Variants in NOL8 observed in about 807,000 individuals in gnomAD.
NOL8 encodes the protein nucleolar protein 8.
NOL8 carries 93 observed loss-of-function variants against 116.1 expected under a neutral mutation model. The observed-to-expected ratio is 0.80, with a 90% CI of 0.68 to 0.95. The LOEUF is 0.95. NOL8 is among the 40% of genes least tolerant of loss of function. NOL8 has a pLI of 0.00. For synonymous variants in NOL8, 419 were observed against 469.0 expected (o/e 0.89, Z 1.38); for missense variants, 1,291 against 1,382.8 (o/e 0.93, Z 1.05).
chr9:92,298,396 C>T (rs1837433442), intron 15 of NOL8, 60 bp from the exon 16 acceptor site: 1 of 1,073,562 alleles, frequency 9.3e-7, no homozygotes, highest in Non-Finnish European at 1.4e-6. Context: ...TGGTAATATT[C>T]TAAGTGTTGG....
intron 14 of NOL8, among the ~76,000 whole-genome samples, chr9:92,299,175 T>C (rs145455569): frequency 1.1e-3 from 171 of 152,324 alleles, no homozygotes; most frequent in African/African-American, 4.0e-3. Flanking sequence ...TCTAACATTC[T>C]TCTATCTGAA....
At position 92,298,162 on chromosome 9, in the gene NOL8, T is replaced by C; in HGVS notation, c.3453+95A>G. ...TCAATTGAGCCAGTCTGCAGTCTCC[T>C]CACCTATACCATTCATGAGTTCCCT... On this transcript the variant is annotated intron_variant, in intron 16 of 16. Coordinates refer to ENST00000442668, the MANE Select transcript of NOL8 (RefSeq NM_017948.6). The C allele has an allele frequency of 4.3e-6, 4 of 925,398 alleles. No homozygotes were observed. In the South Asian group the frequency reaches 6.6e-5, roughly 15 times the overall value. 57.3% of individuals were successfully genotyped at this position (925,398 alleles called of 1,614,324 possible). A position where few individuals can be genotyped will look rare whatever the true frequency, so the allele number is the denominator to read the frequency against.
chr9:92,309,334 A>G (rs1838552511), intron 10 of NOL8, among the ~76,000 whole-genome samples: 1 of 152,212 alleles, frequency 6.6e-6, no homozygotes, highest in Non-Finnish European at 1.5e-5. Flanking sequence ...AAACTTGAAA[A>G]CTGGCATGGT....
chr9:92,319,964 G>A (rs1839786035), intron 4 of NOL8: 3 of 425,622 alleles, frequency 7.0e-6, no homozygotes, highest in South Asian at 5.3e-5. Flanking sequence ...TCCAGTGGAT[G>A]TCCCAGTTCC....
chr9:92,301,728 T>C lies in NOL8; in HGVS notation c.2998A>G (p.Ile1000Val), dbSNP rs375401991. 5.2e-5 allele frequency: 84 copies of C among 1,608,272 alleles called. No homozygotes were observed. The highest frequency in any genetic ancestry group is 1.2e-4 in the African/African-American group (9 of 74,558). Residue 1000 changes from isoleucine (I) to valine (V), a missense_variant, in exon 13 of 17, where the codon ATA becomes GTA. Transcript: ENST00000442668. Reference sequence around the variant, plus strand: ...CTGGTATATTTTGTAGTTTGGAATATTTCTTTCAGATCCATAGCAATATTA... The same window carrying C: ...CTGGTATATTTTGTAGTTTGGAATACTTCTTTCAGATCCATAGCAATATTA... ...YYNIAMDLKE[I>V]FQTTKYTSEK...
chr9:92,315,801 G>C lies in NOL8; in HGVS notation c.824C>G (p.Thr275Ser). 6.2e-7 allele frequency: 1 copy of C among 1,613,724 alleles called. No individual in the cohort carries two copies. Among genetic ancestry groups the C allele is most frequent in the Non-Finnish European group, 8.5e-7 (1 of 1,179,738 alleles). ...AAAAGGTAGATTTTTAAGTTTCTGA[G>C]TATCAGAAACAGGTACAGGAGATGA... ...SKSSPVPVSD[T>S]QKLKNLPFKT... The change falls in exon 7 of 17, where the codon ACT becomes AGT. Residue 275 changes from threonine (T) to serine (S), a missense_variant. Thr to Ser is a moderately conservative substitution (Grantham distance 58, BLOSUM62 1). Coordinates refer to ENST00000442668, the MANE Select transcript of NOL8 (RefSeq NM_017948.6).
intron 13 of NOL8, chr9:92,300,499 C>G (rs1292902221): frequency 1.0e-6 from 1 of 990,020 alleles, no homozygotes; most frequent in Non-Finnish European, 1.2e-6. Flanking sequence ...TCAGGACAAT[C>G]ACCTCACAAG....
chr9:92,300,170 A>C (rs1837614759), intron 13 of NOL8, 154 bp from the exon 14 acceptor site: 1 of 1,319,990 alleles, frequency 7.6e-7, no homozygotes, highest in African/African-American at 1.5e-5. Context: ...AATAGGTAGT[A>C]TCATCTTTTT....
rs779742437 is a variant in NOL8 at position 92,315,397 on chromosome 9, T to A, written c.1228A>T (p.Thr410Ser). Residue 410 changes from threonine to serine, a missense_variant, in exon 7 of 17, where the codon ACT becomes TCT. Coordinates refer to ENST00000442668, the MANE Select transcript of NOL8 (RefSeq NM_017948.6). ...CAGTTTTCTCTATTTTTGAAAGAAG[T>A]TTTCTTCGTAGATTTTTCCATTTGT... ...FSQMEKSTKK[T>S]SFKNRENCEL... The A allele has an allele frequency of 1.3e-6, 2 of 1,594,618 alleles. No individual in the cohort carries two copies. Among genetic ancestry groups the A allele is most frequent in the Admixed American group, 3.5e-5 (2 of 56,480 alleles).
At chr9:92,325,038 A>G (rs1840341110) in intron 1 of NOL8, 1 of 152,194 alleles carries the variant, frequency 6.6e-6, no homozygotes, top group African/African-American at 2.4e-5. Flanking sequence ...GGCCCATCAT[A>G]GTATCTCTCA....
Position 92,305,822 on chromosome 9 carries a change from A to G in NOL8, c.2834T>C (p.Ile945Thr). ...SVAAKKFKDI[I>T]HYDPTKQDHA... is the part of the protein sequence containing the mutation. ...GTCTTGCTTCGTTGGATCATAATGTATGATGTCCCTATGTAAAAAAAGGAA... is the reference window on the plus strand; with the variant it reads ...GTCTTGCTTCGTTGGATCATAATGTGTGATGTCCCTATGTAAAAAAAGGAA... Residue 945 changes from isoleucine to threonine, a missense_variant, in exon 12 of 17, where the codon ATA (isoleucine) becomes ACA (threonine). Coordinates refer to ENST00000442668, the MANE Select transcript of NOL8 (RefSeq NM_017948.6). 1 of 1,611,164 alleles carries G rather than the reference A, an allele frequency of 6.2e-7. No homozygotes were observed. Among genetic ancestry groups the G allele is most frequent in the Non-Finnish European group, 8.5e-7 (1 of 1,177,656 alleles).
At position 92,324,154 on chromosome 9, in the gene NOL8, A is replaced by G. The variant is rs1324074694; in HGVS notation, c.8T>C (p.Val3Ala). 1.9e-6 allele frequency: 3 copies of G among 1,613,362 alleles called. No homozygotes were observed. The African/African-American group carries it at 4.0e-5, about 22-fold the overall frequency. Residue 3 changes from valine to alanine, a missense_variant, in exon 2 of 17, where the codon GTG becomes GCG. Physicochemically the swap from Val to Ala is moderately conservative, Grantham distance 64. Coordinates refer to ENST00000442668, the MANE Select transcript of NOL8 (RefSeq NM_017948.6). MK[V>A]NRETKRLYVG... ...ATAAAGGCGCTTCGTTTCTCTGTTC[A>G]CTTTCATGAAGGCTGGGCATATACT...
At chr9:92,321,219 C>A (rs1053911539) in intron 4 of NOL8, among the ~76,000 whole-genome samples, 2 of 152,162 alleles carry the variant, frequency 1.3e-5, no homozygotes, top group Non-Finnish European at 2.9e-5. Context: ...GAAACACCTG[C>A]ATATACATAG....
chr9:92,299,453 T>G (rs1351546157), intron 14 of NOL8, among the ~76,000 whole-genome samples: 1 of 152,172 alleles, frequency 6.6e-6, no homozygotes, highest in Non-Finnish European at 1.5e-5. Flanking sequence ...GAGAACACTC[T>G]AAAGAAACTG....
chr9:92,298,674 AC>A, intron 15 of NOL8: 1 of 475,322 alleles, frequency 2.1e-6, no homozygotes, highest in East Asian at 3.3e-5. Context: ...GAACAAAACA[AC>A]CCTTTGTTGA....
chr9:92,320,864 C>T (rs1309736603), intron 4 of NOL8, among the ~76,000 whole-genome samples: 2 of 152,350 alleles, frequency 1.3e-5, no homozygotes, highest in East Asian at 1.9e-4. Context: ...GCCTCGGCCT[C>T]CCAAAGTGCT....
chr9:92,310,426 C>G (rs1838670003), intron 9 of NOL8, 127 bp downstream of exon 9: 2 of 1,223,194 alleles, frequency 1.6e-6, no homozygotes, highest in Middle Eastern at 2.0e-4. Flanking sequence ...ACAGAAGACT[C>G]ACTCTCCAAA....
At chr9:92,311,508 A>G (rs1564220784) in intron 7 of NOL8, among the ~76,000 whole-genome samples, 2 of 152,198 alleles carry the variant, frequency 1.3e-5, no homozygotes, top group Non-Finnish European at 2.9e-5. Context: ...ATCAACAAGC[A>G]AAAAACAAAC....
At chr9:92,316,287 C>T in intron 6 of NOL8, 149 bp from the exon 7 acceptor site, 1 of 810,668 alleles carries the variant, frequency 1.2e-6, no homozygotes, top group Non-Finnish European at 1.9e-6. Context: ...AACTAGGTTA[C>T]CTTTCAGGGT....
Sources: gnomAD v4.1 joint callset for allele counts (sites outside exome capture counted in the v4.1 genomes callset) on GRCh38, gnomAD v4.1.1 for gene constraint, MANE v1.5 for transcripts, NCBI Gene and HGNC (gene_info 2026-07-23, HGNC 2026-07-21) for gene names.